AGO3: variants seen among roughly 807,000 people sequenced by gnomAD.
AGO3 encodes the protein argonaute RISC catalytic component 3, also known as protein argonaute-3.
Under a neutral mutation model 105.5 loss-of-function variants are expected in AGO3, and 16 were observed. That is an observed-to-expected ratio of 0.15 (90% CI 0.10 to 0.23). The LOEUF (loss-of-function observed/expected upper bound fraction) is 0.23, where lower values mean the gene tolerates loss of function less well. Ranked by LOEUF, AGO3 falls within the 10% of genes least tolerant of loss-of-function variation. The pLI is 1.00. For synonymous variants in AGO3, 340 were observed against 367.3 expected (o/e 0.93, Z 0.85); for missense variants, 534 against 1,088.0 (o/e 0.49, Z 7.16).
At chr1:36,043,046 C>G (rs1031946238) in intron 16 of AGO3, among the ~76,000 whole-genome samples, 1 of 152,198 alleles carries the variant, frequency 6.6e-6, no homozygotes. Flanking sequence ...TCAGCATTCT[C>G]TCTCTCTAAA....
In AGO3 at chr1:35,972,188, T is replaced by C. The variant is rs1329543193; in HGVS notation, c.477T>C (p.Pro159=). ...TAGACAAGCCAATCAGCACTAACCC[T>C]GTCCATGCCGTTGATGTGGTGCTAC... ...LELDKPISTN[P]VHAVDVVLRH... Residue 159 remains proline (P), a synonymous_variant, in exon 4 of 19, where the codon CCT becomes CCC. Coordinates refer to ENST00000373191, the MANE Select transcript of AGO3 (RefSeq NM_024852.4). 2.5e-6 allele frequency: 4 copies of C among 1,614,082 alleles called. No homozygotes were observed. Among genetic ancestry groups the C allele is most frequent in the African/African-American group, 1.3e-5 (1 of 75,050 alleles).
intron 11 of AGO3, among the ~76,000 whole-genome samples, 187 bp downstream of exon 11, chr1:36,014,235 T>G (rs1640766752): frequency 6.6e-6 from 1 of 151,850 alleles, no homozygotes; most frequent in African/African-American, 2.4e-5. Flanking sequence ...CCCAGCTCAC[T>G]GCAACCTCCA....
intron 5 of AGO3, among the ~76,000 whole-genome samples, chr1:35,979,353 ACTC>A (rs1647008763): frequency 6.6e-6 from 1 of 150,384 alleles, no homozygotes; most frequent in Non-Finnish European, 1.5e-5. Context: ...ACAGAATGAG[ACTC>A]CTTCTCAGAA....
At chr1:35,987,689 A>G (rs571967323) in intron 5 of AGO3, among the ~76,000 whole-genome samples, 5 of 151,968 alleles carry the variant, frequency 3.3e-5, no homozygotes, top group Non-Finnish European at 7.4e-5. Context: ...GACCAAAAAA[A>G]TTTAAGAAAA....
At chr1:36,045,224 A>G (rs558171611) in intron 17 of AGO3, among the ~76,000 whole-genome samples, 2 of 151,988 alleles carry the variant, frequency 1.3e-5, no homozygotes, top group Non-Finnish European at 2.9e-5. Context: ...CAGATAAACA[A>G]CTACATTTTT....
At chr1:35,933,343 T>C (rs1646088543) in intron 1 of AGO3, among the ~76,000 whole-genome samples, 1 of 152,256 alleles carries the variant, frequency 6.6e-6, no homozygotes, top group Admixed American at 6.5e-5. Context: ...TGCAACTAAA[T>C]TTTAAATCCA....
chr1:35,942,300 T>G (rs1646270422), intron 1 of AGO3, among the ~76,000 whole-genome samples: 1 of 152,252 alleles, frequency 6.6e-6, no homozygotes, highest in African/African-American at 2.4e-5. Context: ...TAACATTTTG[T>G]TAGGATTTTT....
rs1342527448 is a variant in AGO3 at position 36,057,702 on chromosome 1, C to CGCGGT, written c.*1959_*1963dup. On this transcript the variant is annotated 3_prime_UTR_variant, in exon 19 of 19. Coordinates refer to ENST00000373191, the MANE Select transcript of AGO3 (RefSeq NM_024852.4). ...AAATTCATCATGATAAAAGGCTGGA[C>CGCGGT]GCGGTGGCTCATGCCTGTAATCCTA... 1.3e-5 allele frequency: 2 copies of CGCGGT among 152,056 alleles called. No homozygotes were observed. The highest frequency in any genetic ancestry group is 4.8e-5 in the African/African-American group (2 of 41,396). The allele number at this position is 152,056 out of a possible 1,614,324, so 9.4% of individuals were successfully genotyped here.
chr1:36,020,606 CATTT>C (rs367968988), intron 11 of AGO3, among the ~76,000 whole-genome samples: 102 of 151,928 alleles, frequency 6.7e-4, no homozygotes, highest in Non-Finnish European at 1.2e-3. Context: ...AACTGCCATA[CATTT>C]ATTTATTTAT....
intron 11 of AGO3, among the ~76,000 whole-genome samples, chr1:36,024,290 C>T (rs1641386679): frequency 6.6e-6 from 1 of 152,034 alleles, no homozygotes; most frequent in South Asian, 2.1e-4. Flanking sequence ...AGGCATATGC[C>T]ACCATGCCCA....
chr1:35,994,423 G>A (rs1165355062), intron 5 of AGO3, among the ~76,000 whole-genome samples: 1 of 152,036 alleles, frequency 6.6e-6, no homozygotes, highest in Non-Finnish European at 1.5e-5. Context: ...AAGCATACAG[G>A]CATCATCATA....
intron 11 of AGO3, among the ~76,000 whole-genome samples, chr1:36,016,730 C>T (rs1640921784): frequency 1.3e-5 from 2 of 152,020 alleles, no homozygotes; most frequent in Admixed American, 1.3e-4. Flanking sequence ...TTACTTTTTC[C>T]TAAGGGTAAG....
intron 6 of AGO3, among the ~76,000 whole-genome samples, chr1:36,006,465 C>T (rs1283632012): frequency 6.6e-6 from 1 of 151,846 alleles, no homozygotes; most frequent in Non-Finnish European, 1.5e-5. Context: ...GCTTTATAGG[C>T]TTGGAGAACC....
chr1:35,997,585 C>A (rs923925766), intron 5 of AGO3, among the ~76,000 whole-genome samples: 1 of 152,146 alleles, frequency 6.6e-6, no homozygotes, highest in African/African-American at 2.4e-5. Context: ...GCCAAGCTAC[C>A]TATTGTGTTG....
At chr1:35,973,246 A>T in intron 4 of AGO3, 129 bp from the exon 5 acceptor site, 2 of 1,033,906 alleles carry the variant, frequency 1.9e-6, no homozygotes, top group Non-Finnish European at 2.6e-6. Flanking sequence ...AATTTGGAAC[A>T]TGTTTAGTTT....
rs1309959825 is a variant in AGO3 at position 36,059,172 on chromosome 1, C to G, written c.*3427C>G. 6.6e-6 allele frequency: 1 copy of G among 152,002 alleles called. No individual in the cohort carries two copies. The highest frequency in any genetic ancestry group is 1.5e-5 in the Non-Finnish European group (1 of 67,994). 9.4% of individuals were successfully genotyped at this position (152,002 alleles called of 1,614,324 possible). A position where few individuals can be genotyped will look rare whatever the true frequency, so the allele number is the denominator to read the frequency against. On this transcript the variant is annotated 3_prime_UTR_variant, in exon 19 of 19. Transcript: ENST00000373191. Reference sequence around the variant, plus strand: ...TTTGAGTGATTTCTTTTTTAGAGTGCTCTTACACTAGTCAGCATTGCTAGT... The same window carrying G: ...TTTGAGTGATTTCTTTTTTAGAGTGGTCTTACACTAGTCAGCATTGCTAGT...
intron 13 of AGO3, among the ~76,000 whole-genome samples, chr1:36,035,814 C>T (rs1641976259): frequency 1.3e-5 from 2 of 152,122 alleles, no homozygotes; most frequent in East Asian, 1.9e-4. Flanking sequence ...AGGTGGATCA[C>T]AGGGTCAGGA....
At chr1:36,033,416 G>A (rs566862883) in intron 12 of AGO3, among the ~76,000 whole-genome samples, 2 of 151,886 alleles carry the variant, frequency 1.3e-5, no homozygotes, top group East Asian at 1.9e-4. Flanking sequence ...GGAGCAGGAG[G>A]ATCACTTGAG....
At chr1:35,993,182 G>A (rs1647847572) in intron 5 of AGO3, among the ~76,000 whole-genome samples, 1 of 152,100 alleles carries the variant, frequency 6.6e-6, no homozygotes. Context: ...AAGACTCATT[G>A]GGGACCATCT....
Sources: allele counts gnomAD v4.1 joint callset (sites outside exome capture counted in the v4.1 genomes callset), GRCh38; gene constraint gnomAD v4.1.1; transcripts MANE v1.5; gene names NCBI Gene and HGNC (gene_info 2026-07-23, HGNC 2026-07-21).